The following MAPK8IP3 variants were observed in gnomAD, a reference collection of about 807,000 sequenced individuals.
MAPK8IP3 encodes C-Jun-amino-terminal kinase-interacting protein 3.
MAPK8IP3 carries 49 observed loss-of-function variants against 157.8 expected under a neutral mutation model. That is an observed-to-expected ratio of 0.31 (90% confidence interval 0.25 to 0.39). The LOEUF is 0.39. Among genes scored for constraint, MAPK8IP3 ranks in the 10% least tolerant of loss-of-function variants. The probability of loss-of-function intolerance (pLI) is 1.00; values close to 1 mark genes in which losing one functional copy is unlikely to be tolerated. For synonymous variants in MAPK8IP3, 897 were observed against 777.7 expected (o/e 1.15, Z -2.55); for missense variants, 1,478 against 1,889.4 (o/e 0.78, Z 4.04).
In MAPK8IP3 at chr16:1,769,090, GTCC is replaced by G. The variant is rs1025350849; in HGVS notation, c.*269_*271del. 1.2e-5 allele frequency: 6 copies of G among 513,384 alleles called. No homozygotes were observed. Among genetic ancestry groups the G allele is most frequent in the African/African-American group, 1.9e-5 (1 of 51,694 alleles). The allele number at this position is 513,384 out of a possible 1,614,324, so 31.8% of individuals were successfully genotyped here. ...GCTCCTGGCCAGCTTCCAGCCCAGA[GTCC>G]TCAAGTCCAGGGCACCTTGGGCCCA... On this transcript the variant is annotated 3_prime_UTR_variant, in exon 32 of 32. Coordinates refer to ENST00000610761, the MANE Select transcript of MAPK8IP3 (RefSeq NM_001318852.2).
At chr16:1,739,258 A>C (rs1300637391) in intron 4 of MAPK8IP3, among the ~76,000 whole-genome samples, 2 of 82,778 alleles carry the variant, frequency 2.4e-5, no homozygotes, top group African/African-American at 5.2e-5. Flanking sequence ...CCATGTGAGC[A>C]TCTGTGTGAC....
At position 1,742,954 on chromosome 16, in the gene MAPK8IP3, C is replaced by G. The variant is rs570114234; in HGVS notation, c.603-378C>G. On this transcript the variant is annotated intron_variant, in intron 4 of 31. Transcript: ENST00000610761. This position sits in a 1 kb window ranked among gnomAD's most constrained non-coding sequence, Gnocchi z 5.0. Reference sequence around the variant, plus strand: ...TGGCTAACACGGTGAAACCCCGTCTCTACTAAAAATACAAAAAAAAATTAG... The same window carrying G: ...TGGCTAACACGGTGAAACCCCGTCTGTACTAAAAATACAAAAAAAAATTAG... Among the ~76,000 whole-genome samples, 11 of 151,984 alleles carry G rather than the reference C, an allele frequency of 7.2e-5. No homozygotes were observed. In the South Asian group the frequency reaches 2.3e-3, roughly 32 times the overall value.
At chr16:1,708,288 G>A (rs566641061) in intron 1 of MAPK8IP3, among the ~76,000 whole-genome samples, 9 of 152,348 alleles carry the variant, frequency 5.9e-5, no homozygotes, top group African/African-American at 2.2e-4. Context: ...GCAGGCACCG[G>A]AGGGCTGCTC....
At chr16:1,758,901 C>T (rs1221799534) in intron 9 of MAPK8IP3, 77 bp from the exon 10 acceptor site, 15 of 1,514,918 alleles carry the variant, frequency 9.9e-6, no homozygotes, top group African/African-American at 8.2e-5. Context: ...GGGCTTAACG[C>T]GCTTCTCTTC....
chr16:1,708,387 C>T (rs1467714287), intron 1 of MAPK8IP3, among the ~76,000 whole-genome samples: 1 of 152,264 alleles, frequency 6.6e-6, no homozygotes, highest in African/African-American at 2.4e-5. Flanking sequence ...CACTGCTCTC[C>T]CACACTCAGT....
chr16:1,747,338 G>A, intron 6 of MAPK8IP3, 63 bp downstream of exon 6: 1 of 1,578,252 alleles, frequency 6.3e-7, no homozygotes, highest in Non-Finnish European at 8.6e-7. Context: ...GGTTTGGGTA[G>A]ATGTGAAACT....
At chr16:1,739,202 G>A (rs2040407195) in intron 4 of MAPK8IP3, among the ~76,000 whole-genome samples, 1 of 138,452 alleles carries the variant, frequency 7.2e-6, no homozygotes, top group African/African-American at 2.7e-5. Flanking sequence ...GACCGTCCGT[G>A]TGAGCGTCCG....
In MAPK8IP3 at chr16:1,743,060, A is replaced by T. The variant is rs1407387260; in HGVS notation, c.603-272A>T. On this transcript the variant is annotated intron_variant, in intron 4 of 31. Transcript: ENST00000610761. The surrounding 1 kb of genome is among the most constrained non-coding windows in gnomAD (Gnocchi z 5.6). ...CAGTGAGCCAAGTTCGTGCCACTGC[A>T]CTCCAGCCTGGGTGACAGAGCGAGA... is the stretch of plus-strand genomic sequence containing the variant. Among the ~76,000 whole-genome samples, 1 of 152,092 alleles carries T rather than the reference A, an allele frequency of 6.6e-6. No individual in the cohort carries two copies. The highest frequency in any genetic ancestry group is 1.5e-5 in the Non-Finnish European group (1 of 68,024).
Position 1,743,689 on chromosome 16 carries a change from G to A in MAPK8IP3, c.747+213G>A. ...TGTGTGGCTGTGGCTGTTCCACGCG[G>A]CCTCGTGTCGGCACCTGCTAGTCCA... is the stretch of plus-strand genomic sequence containing the variant. On this transcript the variant is annotated intron_variant, in intron 5 of 31. Coordinates refer to ENST00000610761, the MANE Select transcript of MAPK8IP3 (RefSeq NM_001318852.2). This position sits in a 1 kb window ranked among gnomAD's most constrained non-coding sequence, Gnocchi z 5.6. 1.4e-6 allele frequency: 2 copies of A among 1,401,186 alleles called. No individual in the cohort carries two copies. The highest frequency in any genetic ancestry group is 2.8e-5 in the East Asian group (1 of 35,364). The allele number at this position is 1,401,186 out of a possible 1,614,324, so 86.8% of individuals were successfully genotyped here.
At position 1,715,551 on chromosome 16, in the gene MAPK8IP3, G is replaced by A. The variant is rs193107552; in HGVS notation, c.318+8894G>A. On this transcript the variant is annotated intron_variant, in intron 1 of 31. Coordinates refer to ENST00000610761, the MANE Select transcript of MAPK8IP3 (RefSeq NM_001318852.2). ...TTAAGATAAAAGACCAAAAATGAGC[G>A]TTTTTCCTTTGGAAATTCATACTAC... is the stretch of plus-strand genomic sequence containing the variant. Among the ~76,000 whole-genome samples the A allele has an allele frequency of 8.5e-5, 13 of 152,116 alleles. No individual in the cohort carries two copies. The South Asian group carries it at 1.7e-3, about 19-fold the overall frequency.
intron 4 of MAPK8IP3, among the ~76,000 whole-genome samples, chr16:1,737,183 A>G (rs1389694086): frequency 2.4e-5 from 2 of 85,036 alleles, no homozygotes; most frequent in African/African-American, 9.4e-5. Flanking sequence ...TGAGCGTGTG[A>G]CCGTCCGTGT....
chr16:1,744,720 C>G, intron 5 of MAPK8IP3: 1 of 985,494 alleles, frequency 1.0e-6, no homozygotes, highest in Non-Finnish European at 1.2e-6. Context: ...CTCTCGCGCC[C>G]GCTCTGGGCC....
At position 1,724,538 on chromosome 16, in the gene MAPK8IP3, C is replaced by T; in HGVS notation, c.319-19C>T. On this transcript the variant is annotated intron_variant, in intron 1 of 31. Coordinates refer to ENST00000610761, the MANE Select transcript of MAPK8IP3 (RefSeq NM_001318852.2). The surrounding 1 kb of genome is among the most constrained non-coding windows in gnomAD (Gnocchi z 4.1). ...CACTCACTCCTGATGACTGCTCTTT[C>T]CCTCCCTTCCATGCACAGAAATTCA... is the stretch of plus-strand genomic sequence containing the variant. 1 of 1,611,928 alleles carries T rather than the reference C, an allele frequency of 6.2e-7. No homozygotes were observed. Among genetic ancestry groups the T allele is most frequent in the South Asian group, 1.1e-5 (1 of 91,060 alleles).
chr16:1,729,163 G>T lies in MAPK8IP3; in HGVS notation c.465G>T (p.Ser155=). The change falls in exon 3 of 32, where the codon TCG becomes TCT. Residue 155 remains serine (S), a synonymous_variant. Transcript: ENST00000610761. ...DQISRLEERE[S]EMKKEYNALH... is the part of the protein sequence containing the mutation. ...TTTCCCGGTTGGAGGAGCGGGAGTCGGAGATGAAGAAGGAGTACAATGCCC... is the reference window on the plus strand; with the variant it reads ...TTTCCCGGTTGGAGGAGCGGGAGTCTGAGATGAAGAAGGAGTACAATGCCC... 1 of 1,614,046 alleles carries T rather than the reference G, an allele frequency of 6.2e-7. No homozygotes were observed. The highest frequency in any genetic ancestry group is 8.5e-7 in the Non-Finnish European group (1 of 1,180,002).
intron 4 of MAPK8IP3, among the ~76,000 whole-genome samples, chr16:1,736,489 AGCGT>A (rs1241885548): frequency 9.6e-5 from 3 of 31,142 alleles, no homozygotes; most frequent in Non-Finnish European, 1.1e-4. Context: ...TGTGACCGTG[AGCGT>A]CCGTGTGAGC....
At chr16:1,766,862 C>T in intron 24 of MAPK8IP3, 42 bp from the exon 25 acceptor site, 1 of 1,610,992 alleles carries the variant, frequency 6.2e-7, no homozygotes. Flanking sequence ...AGGGGGCTGG[C>T]ACAGCCTGGC....
intron 18 of MAPK8IP3, 32 bp from the exon 19 acceptor site, chr16:1,764,269 G>C: frequency 6.3e-7 from 1 of 1,589,974 alleles, no homozygotes. Context: ...GGGGAGTGCC[G>C]GTGACACCCG....
Position 1,737,036 on chromosome 16 carries a change from GCATCCGTGTGAC to G in MAPK8IP3, c.603-6294_603-6283del, listed in dbSNP as rs1427203872. On this transcript the variant is annotated intron_variant, in intron 4 of 31. Transcript: ENST00000610761. Reference sequence around the variant, plus strand: ...TGTGAGAGTGTGACCATCCATGTGAGCATCCGTGTGACCGTCCGTGTGAGCGTCCGTGTGAGC... The same window carrying G: ...TGTGAGAGTGTGACCATCCATGTGAGCGTCCGTGTGAGCGTCCGTGTGAGC... Among the ~76,000 whole-genome samples the G allele has an allele frequency of 3.6e-5, 3 of 83,192 alleles. No homozygotes were observed. In the East Asian group the frequency reaches 1.3e-3, roughly 36 times the overall value. The allele number at this position is 83,192 out of a possible 152,430, so 54.6% of individuals were successfully genotyped here.
At chr16:1,712,125 A>T (rs964554340) in intron 1 of MAPK8IP3, among the ~76,000 whole-genome samples, 15 of 130,802 alleles carry the variant, frequency 1.1e-4, no homozygotes, top group African/African-American at 4.5e-4. Flanking sequence ...ACAGTGGCGC[A>T]ATCTCGGCTC....
Sources: allele counts gnomAD v4.1 joint callset (sites outside exome capture counted in the v4.1 genomes callset), GRCh38; gene constraint gnomAD v4.1.1; non-coding constraint Gnocchi (gnomAD v3.1); transcripts MANE v1.5; gene names NCBI Gene and HGNC (gene_info 2026-07-23, HGNC 2026-07-21).